Variants in CCDC171 observed in about 807,000 individuals in gnomAD.
CCDC171 encodes the protein coiled-coil domain-containing protein 171.
Under a neutral mutation model 168.2 loss-of-function variants are expected in CCDC171, and 177 were observed. That is an observed-to-expected ratio of 1.05 (90% CI 0.93 to 1.19). CCDC171 has a LOEUF of 1.19. Among genes scored for constraint, CCDC171 ranks in the 50% most tolerant of loss-of-function variants. The pLI, the probability that CCDC171 is intolerant of heterozygous loss-of-function variation, is 0.00. For synonymous variants in CCDC171, 687 were observed against 540.8 expected (o/e 1.27, Z -3.75); for missense variants, 1,991 against 1,539.0 (o/e 1.29, Z -4.91).
At chr9:16,100,015 A>AC in the CCDC171 span, among the ~76,000 whole-genome samples, 39 of 151,850 alleles carry the variant, frequency 2.6e-4, no homozygotes, top group Non-Finnish European at 3.4e-4. Flanking sequence ...AAAAAAAAAA[A>AC]AGAAAAATCT....
At chr9:16,027,648 A>G (rs1205579220) in intron 6 of CCDC171, among the ~76,000 whole-genome samples, 1 of 152,080 alleles carries the variant, frequency 6.6e-6, no homozygotes, top group Non-Finnish European at 1.5e-5. Flanking sequence ...TGAAGGGCCC[A>G]CTCGCCAAGC....
At chr9:15,734,277 T>G (rs1460133739) in intron 16 of CCDC171, among the ~76,000 whole-genome samples, 1 of 152,226 alleles carries the variant, frequency 6.6e-6, no homozygotes, top group East Asian at 1.9e-4. Flanking sequence ...GGCTCATGCC[T>G]GTAATCCCAG....
At chr9:15,808,805 A>G (rs1485542159) in intron 21 of CCDC171, among the ~76,000 whole-genome samples, 1 of 152,140 alleles carries the variant, frequency 6.6e-6, no homozygotes, top group African/African-American at 2.4e-5. Flanking sequence ...GCCTTAGTCT[A>G]TTTGGGCTGC....
intron 25 of CCDC171, among the ~76,000 whole-genome samples, chr9:15,936,407 A>G (rs1827124333): frequency 6.6e-6 from 1 of 151,984 alleles, no homozygotes; most frequent in African/African-American, 2.4e-5. Flanking sequence ...CATCACCAGC[A>G]CAATTTACAA....
chr9:15,976,977 T>G (rs1178119500), downstream of CCDC171, among the ~76,000 whole-genome samples: 3 of 152,162 alleles, frequency 2.0e-5, no homozygotes, highest in Non-Finnish European at 2.9e-5. Flanking sequence ...ATATTGCAAG[T>G]ACAGCCAAGC....
intron 10 of CCDC171, among the ~76,000 whole-genome samples, chr9:15,692,520 A>G (rs1418379983): frequency 1.3e-5 from 2 of 150,946 alleles, no homozygotes; most frequent in East Asian, 3.9e-4. Flanking sequence ...AGAGACAACC[A>G]TCATTACTAC....
intron 3 of CCDC171, among the ~76,000 whole-genome samples, chr9:16,011,683 C>T (rs1040907874): frequency 3.3e-5 from 5 of 152,112 alleles, no homozygotes. Flanking sequence ...TCAGCATTTT[C>T]TGAGTTCCGA....
Position 15,848,951 on chromosome 9 carries a change from C to T in CCDC171, c.3468+4C>T, listed in dbSNP as rs200207647. 1,268 of 1,498,800 alleles carry T rather than the reference C, an allele frequency of 8.5e-4. 1 individual carries two copies. The highest frequency in any genetic ancestry group is 1.2e-3 in the Admixed American group (61 of 49,246). The allele number at this position is 1,498,800 out of a possible 1,614,324, so 92.8% of individuals were successfully genotyped here. ...AGTAGAAAATACGCTTCACAAGGTA[C>T]TGTTATTTTTCTTTAATATTGTTCA... is the stretch of plus-strand genomic sequence containing the variant. On this transcript the variant is annotated splice_donor_region_variant and intron_variant, in intron 23 of 25. Coordinates refer to ENST00000380701, the MANE Select transcript of CCDC171 (RefSeq NM_173550.4).
chr9:15,572,605 C>T (rs1400945452), intron 3 of CCDC171, among the ~76,000 whole-genome samples: 1 of 152,180 alleles, frequency 6.6e-6, no homozygotes, highest in African/African-American at 2.4e-5. Context: ...GTATGTTTTT[C>T]TTCCCTTTTT....
In CCDC171 at chr9:15,807,525, C is replaced by T. The variant is rs537001549; in HGVS notation, c.3267+22831C>T. On this transcript the variant is annotated intron_variant, in intron 21 of 25. Transcript: ENST00000380701. ...GGTATGGTCCTTCTGGGATCTCTAG[C>T]GAATGACACATATAATAAATGTAGA... is the stretch of plus-strand genomic sequence containing the variant. Among the ~76,000 whole-genome samples the T allele has an allele frequency of 9.2e-5, 14 of 152,160 alleles. No individual in the cohort carries two copies. In the East Asian group the frequency reaches 1.4e-3, roughly 15 times the overall value.
chr9:16,074,969 T>A, the CCDC171 span, among the ~76,000 whole-genome samples: 26 of 152,186 alleles, frequency 1.7e-4, no homozygotes, highest in Non-Finnish European at 4.4e-5. Flanking sequence ...TGTCAAACTG[T>A]TTTCTCTTCC....
At chr9:15,678,625 A>C in intron 9 of CCDC171, 133 bp from the exon 10 acceptor site, 1 of 595,318 alleles carries the variant, frequency 1.7e-6, no homozygotes, top group East Asian at 3.3e-5. Flanking sequence ...TGTTTGAAAA[A>C]GGAGTTAGCC....
the CCDC171 span, among the ~76,000 whole-genome samples, chr9:16,074,512 A>G: frequency 4.6e-5 from 7 of 152,210 alleles, no homozygotes; most frequent in Non-Finnish European, 1.0e-4. Flanking sequence ...GGTGACCACC[A>G]CAGACACTGT....
At chr9:15,903,583 A>T (rs1822042084) in intron 24 of CCDC171, among the ~76,000 whole-genome samples, 1 of 152,212 alleles carries the variant, frequency 6.6e-6, no homozygotes, top group Admixed American at 6.5e-5. Flanking sequence ...GGCGAAAAAC[A>T]GAGCAGAAAA....
At chr9:15,905,471 C>T (rs1235436615) in intron 24 of CCDC171, among the ~76,000 whole-genome samples, 3 of 151,962 alleles carry the variant, frequency 2.0e-5, no homozygotes, top group Non-Finnish European at 4.4e-5. Context: ...TCTTTGAAAC[C>T]AACGAGAACA....
In CCDC171 at chr9:15,564,077, T is replaced by C; in HGVS notation, c.-12T>C. On this transcript the variant is annotated 5_prime_UTR_variant, in exon 2 of 26. Coordinates refer to ENST00000380701, the MANE Select transcript of CCDC171 (RefSeq NM_173550.4). ...GAAATAGCAGGGTATTTTGAAAGAG[T>C]TGGAAAACATCATGAATTTGAATAC... The C allele has an allele frequency of 6.3e-7, 1 of 1,598,240 alleles. No homozygotes were observed. The highest frequency in any genetic ancestry group is 1.3e-5 in the African/African-American group (1 of 74,494).
intron 5 of CCDC171, among the ~76,000 whole-genome samples, 193 bp downstream of exon 5, chr9:15,591,749 G>T (rs1039370237): frequency 6.6e-6 from 1 of 151,824 alleles, no homozygotes; most frequent in East Asian, 1.9e-4. Context: ...ACTTTTTGGG[G>T]TGAAAAACGG....
At chr9:15,798,375 C>T (rs1285618108) in intron 21 of CCDC171, among the ~76,000 whole-genome samples, 1 of 151,842 alleles carries the variant, frequency 6.6e-6, no homozygotes, top group Non-Finnish European at 1.5e-5. Flanking sequence ...GCTTTGCTAA[C>T]TTATTCTATT....
At chr9:15,775,128 G>T (rs1276319219) in intron 18 of CCDC171, among the ~76,000 whole-genome samples, 1 of 152,084 alleles carries the variant, frequency 6.6e-6, no homozygotes, top group Non-Finnish European at 1.5e-5. Flanking sequence ...CCTCTGTACT[G>T]TATAATGTGA....
Sources: gnomAD v4.1 joint callset for allele counts (sites outside exome capture counted in the v4.1 genomes callset) on GRCh38, gnomAD v4.1.1 for gene constraint, MANE v1.5 for transcripts, NCBI Gene and HGNC (gene_info 2026-07-23, HGNC 2026-07-21) for gene names.